Variants in ME3 observed in about 807,000 individuals in gnomAD.
ME3 encodes malic enzyme 3, also known as NADP-dependent malic enzyme, mitochondrial.
In ME3, 48 loss-of-function variants were observed where a neutral mutation model predicts 68.9. That is an observed-to-expected ratio of 0.70 (90% CI 0.55 to 0.89). The LOEUF (loss-of-function observed/expected upper bound fraction) is 0.89, where lower values mean the gene tolerates loss of function less well. ME3 is among the 40% of genes least tolerant of loss of function. The pLI is 0.00. For synonymous variants in ME3, 320 were observed against 318.8 expected, an observed-to-expected ratio of 1.00 and a Z score of -0.04; for missense variants, 675 against 797.4, an observed-to-expected ratio of 0.85 and a Z score of 1.85.
chr11:86,519,202 T>C lies in ME3; in HGVS notation c.468-10335A>G, dbSNP rs115451684. Reference sequence around the variant, plus strand: ...ACATTTCTTAAAGCTCAAAGTCTGTTGGAATTTCATCAAGGCAAGTGTAAG... The same window carrying C: ...ACATTTCTTAAAGCTCAAAGTCTGTCGGAATTTCATCAAGGCAAGTGTAAG... On this transcript the variant is annotated intron_variant, in intron 4 of 14. Transcript: ENST00000543262. Among the ~76,000 whole-genome samples the C allele has an allele frequency of 4.7e-3, 709 of 152,334 alleles. 8 individuals are homozygous for C. The highest frequency in any genetic ancestry group is 0.017 in the African/African-American group (690 of 41,568).
At chr11:86,573,273 C>G (rs545197961) in intron 2 of ME3, among the ~76,000 whole-genome samples, 1 of 152,230 alleles carries the variant, frequency 6.6e-6, no homozygotes, top group Admixed American at 6.5e-5. Flanking sequence ...TTGAGAAGCT[C>G]TTTAGTTTAA....
intron 4 of ME3, among the ~76,000 whole-genome samples, chr11:86,523,856 T>G (rs1158700477): frequency 6.6e-6 from 1 of 152,138 alleles, no homozygotes. Flanking sequence ...TCTGTCCAAA[T>G]AGAATATCAC....
At chr11:86,556,758 C>G in intron 3 of ME3, 56 bp from the exon 4 acceptor site, 3 of 1,575,924 alleles carry the variant, frequency 1.9e-6, no homozygotes, top group South Asian at 2.3e-5. Context: ...GCCCTGATGC[C>G]TCTGTGGTGT....
chr11:86,662,753 T>G (rs1435042037), intron 2 of ME3, among the ~76,000 whole-genome samples: 2 of 152,228 alleles, frequency 1.3e-5, no homozygotes, highest in Non-Finnish European at 2.9e-5. Context: ...TTAGCTGTTA[T>G]TACTTGACTT....
chr11:86,476,850 G>A (rs1359995745), intron 7 of ME3, among the ~76,000 whole-genome samples: 1 of 152,146 alleles, frequency 6.6e-6, no homozygotes, highest in Non-Finnish European at 1.5e-5. Flanking sequence ...TCCTTCCTAG[G>A]TTTAGCACTG....
chr11:86,582,107 A>G (rs1958470998), intron 2 of ME3, among the ~76,000 whole-genome samples: 1 of 152,256 alleles, frequency 6.6e-6, no homozygotes, highest in South Asian at 2.1e-4. Flanking sequence ...AAGGCTCTTC[A>G]TAAGCTGTGC....
chr11:86,478,384 A>G (rs1218290306), intron 7 of ME3, among the ~76,000 whole-genome samples: 1 of 149,052 alleles, frequency 6.7e-6, no homozygotes, highest in Non-Finnish European at 1.5e-5. Flanking sequence ...TTTAGCAGAG[A>G]TGTCACAATG....
At position 86,442,921 on chromosome 11, in the gene ME3, TG is replaced by T. The variant is rs773013523; in HGVS notation, c.1555-3del. 8 of 1,608,362 alleles carry T rather than the reference TG, an allele frequency of 5.0e-6. No homozygotes were observed. The highest frequency in any genetic ancestry group is 6.8e-6 in the Non-Finnish European group (8 of 1,175,386). On this transcript the variant is annotated splice_region_variant and splice_polypyrimidine_tract_variant and intron_variant, in intron 13 of 14. Transcript: ENST00000543262. ...CTCAGAGACTTCCTGGGCAATTTGC[TG>T]GGGAGAAGGAGAGAACCGAGAGGAA...
At chr11:86,615,788 G>A (rs1010636479) in intron 2 of ME3, among the ~76,000 whole-genome samples, 9 of 152,202 alleles carry the variant, frequency 5.9e-5, no homozygotes, top group Non-Finnish European at 1.3e-4. Flanking sequence ...GGGGGACAGA[G>A]TGAAACCTAA....
In ME3 at chr11:86,665,488, A is replaced by G. The variant is rs536486069; in HGVS notation, c.183+6274T>C. Among the ~76,000 whole-genome samples the G allele has an allele frequency of 1.1e-4, 16 of 152,250 alleles. No individual in the cohort carries two copies. In the South Asian group the frequency reaches 2.7e-3, roughly 26 times the overall value. On this transcript the variant is annotated intron_variant, in intron 2 of 14. Transcript: ENST00000543262. The stretch of plus-strand genomic sequence containing the variant: ...GGAGCACAACTGACTGAGGAGGCCA[A>G]TGGGGTTGGGGCAGTGAGTGAGGCA...
At chr11:86,508,363 AC>A (rs1305374730) in intron 5 of ME3, among the ~76,000 whole-genome samples, 2 of 152,044 alleles carry the variant, frequency 1.3e-5, no homozygotes, top group Non-Finnish European at 2.9e-5. Context: ...CTAGAAGAAC[AC>A]CCTCAGTTCT....
intron 2 of ME3, among the ~76,000 whole-genome samples, chr11:86,604,111 TA>T (rs201906419): frequency 0.087 from 12,728 of 146,358 alleles, 726 homozygotes; most frequent in East Asian, 0.17. Flanking sequence ...AAAAAAAAGT[TA>T]AAAAAAAAAA....
chr11:86,507,870 A>T (rs1953200259), intron 5 of ME3, among the ~76,000 whole-genome samples: 1 of 151,932 alleles, frequency 6.6e-6, no homozygotes, highest in Admixed American at 6.6e-5. Context: ...CTGTCGTCCC[A>T]GCTACGGGGG....
At chr11:86,574,395 GC>G (rs1490413979) in intron 2 of ME3, among the ~76,000 whole-genome samples, 1 of 46,602 alleles carries the variant, frequency 2.1e-5, no homozygotes, top group African/African-American at 5.4e-5. Flanking sequence ...GGTATTTGTT[GC>G]CGGGGGGGGG....
chr11:86,605,884 T>C (rs903121140), intron 2 of ME3, among the ~76,000 whole-genome samples: 3 of 152,100 alleles, frequency 2.0e-5, no homozygotes, highest in Non-Finnish European at 4.4e-5. Flanking sequence ...CAGGACACTC[T>C]TTCAATTATT....
intron 2 of ME3, among the ~76,000 whole-genome samples, chr11:86,650,717 C>T (rs1410254856): frequency 6.6e-6 from 1 of 152,214 alleles, no homozygotes; most frequent in Non-Finnish European, 1.5e-5. Flanking sequence ...GTACTGGGTT[C>T]ATCTCACCAG....
intron 14 of ME3, 82 bp from the exon 15 acceptor site, chr11:86,441,522 G>C: frequency 7.4e-7 from 1 of 1,346,966 alleles, no homozygotes; most frequent in Non-Finnish European, 1.0e-6. Context: ...CATGGGGGAG[G>C]GGAATACACC....
At chr11:86,556,684 T>C (rs200345960) in exon 4 of ME3, 1 of 1,613,822 alleles carries the variant, frequency 6.2e-7, no homozygotes, top group Non-Finnish European at 8.5e-7. Flanking sequence ...GGTCTTGGAG[T>C]GTCATGAGAA....
chr11:86,542,304 C>T (rs185522244), intron 4 of ME3, among the ~76,000 whole-genome samples: 25 of 152,254 alleles, frequency 1.6e-4, no homozygotes, highest in African/African-American at 5.5e-4. Context: ...CAGAGCATGA[C>T]TTTGATTAAT....
Sources: gnomAD v4.1 joint callset for allele counts (sites outside exome capture counted in the v4.1 genomes callset) on GRCh38, gnomAD v4.1.1 for gene constraint, MANE v1.5 for transcripts, NCBI Gene and HGNC (gene_info 2026-07-23, HGNC 2026-07-21) for gene names.